Variants in FOXP1 observed in about 807,000 individuals in gnomAD.
FOXP1 encodes the protein forkhead box protein P1.
FOXP1 carries 15 observed loss-of-function variants against 98.2 expected under a neutral mutation model. The observed-to-expected ratio is 0.15, with a 90% CI of 0.10 to 0.24. FOXP1 has a LOEUF of 0.24. Among genes scored for constraint, FOXP1 ranks in the 10% least tolerant of loss-of-function variants. The pLI is 1.00. For missense variants in FOXP1, 633 were observed against 848.5 expected (o/e 0.75, Z 3.15); for synonymous variants, 371 against 314.5 (o/e 1.18, Z -1.90).
chr3:71,246,765 G>A (rs531441118), intron 5 of FOXP1, among the ~76,000 whole-genome samples: 9 of 152,232 alleles, frequency 5.9e-5, no homozygotes, highest in East Asian at 5.8e-4. Flanking sequence ...AGTTCAGCGC[G>A]TCTTAGCACT....
chr3:70,970,912 C>T, intron 18 of FOXP1, 107 bp from the exon 19 acceptor site: 3 of 844,754 alleles, frequency 3.6e-6, no homozygotes, highest in Non-Finnish European at 4.1e-6. Context: ...GAGCAATTTC[C>T]CCCACTAGCA....
At position 71,550,226 on chromosome 3, in the gene FOXP1, C is replaced by T. The variant is rs551796161; in HGVS notation, c.-298+31323G>A. ...AGCTCTCTCATCTCCATGATCCCCA[C>T]CTGCCCCCAAGTAAAACGATTATAA... On this transcript the variant is annotated intron_variant, in intron 2 of 20. Transcript: ENST00000649528. 3.9e-5 allele frequency among the ~76,000 whole-genome samples: 6 copies of T among 152,304 alleles called. 1 individual carries two copies. The highest frequency in any genetic ancestry group is 1.4e-4 in the African/African-American group (6 of 41,570).
chr3:70,997,110 G>A (rs2041480911), intron 13 of FOXP1, among the ~76,000 whole-genome samples: 2 of 152,196 alleles, frequency 1.3e-5, no homozygotes, highest in Non-Finnish European at 2.9e-5. Flanking sequence ...TCAGTAATGT[G>A]CAGGTAATCC....
chr3:71,537,121 A>G (rs2044361687), intron 2 of FOXP1, among the ~76,000 whole-genome samples: 1 of 152,174 alleles, frequency 6.6e-6, no homozygotes, highest in South Asian at 2.1e-4. Context: ...GTCCTAACCA[A>G]GGCCTGGGTA....
At chr3:71,352,802 G>T (rs952203155) in intron 4 of FOXP1, among the ~76,000 whole-genome samples, 1 of 152,126 alleles carries the variant, frequency 6.6e-6, no homozygotes, top group African/African-American at 2.4e-5. Context: ...CATGAGTTTA[G>T]AAAATTCTAC....
At chr3:71,383,207 T>C (rs1323496764) in intron 3 of FOXP1, among the ~76,000 whole-genome samples, 1 of 152,232 alleles carries the variant, frequency 6.6e-6, no homozygotes, top group Non-Finnish European at 1.5e-5. Flanking sequence ...CAGCAAATGC[T>C]TTCCGCTAGC....
chr3:71,485,248 C>T (rs1310792341), intron 3 of FOXP1, among the ~76,000 whole-genome samples: 1 of 152,118 alleles, frequency 6.6e-6, no homozygotes, highest in Non-Finnish European at 1.5e-5. Context: ...CCTCTCATCT[C>T]CCCAATATCC....
At chr3:71,367,609 A>C (rs189875898) in intron 3 of FOXP1, among the ~76,000 whole-genome samples, 1 of 152,114 alleles carries the variant, frequency 6.6e-6, no homozygotes, top group Non-Finnish European at 1.5e-5. Context: ...GTAAAACAAC[A>C]TATCTTTACC....
chr3:71,056,189 AT>A (rs2050613186), intron 7 of FOXP1, among the ~76,000 whole-genome samples: 1 of 152,198 alleles, frequency 6.6e-6, no homozygotes, highest in African/African-American at 2.4e-5. Flanking sequence ...AATAAAACTG[AT>A]TTTAAAAGTT....
At chr3:71,100,808 A>G (rs1449111186) in intron 7 of FOXP1, among the ~76,000 whole-genome samples, 4 of 152,180 alleles carry the variant, frequency 2.6e-5, no homozygotes, top group Non-Finnish European at 4.4e-5. Flanking sequence ...CCCTCTCCCC[A>G]GTCAGAAGGC....
At chr3:71,499,338 A>C (rs2041154905) in intron 2 of FOXP1, among the ~76,000 whole-genome samples, 2 of 152,208 alleles carry the variant, frequency 1.3e-5, no homozygotes, top group Admixed American at 1.3e-4. Context: ...TGCAAAAGTC[A>C]AATTCAATGT....
intron 6 of FOXP1, among the ~76,000 whole-genome samples, chr3:71,179,296 T>C (rs1005766075): frequency 6.6e-6 from 1 of 151,854 alleles, no homozygotes; most frequent in Non-Finnish European, 1.5e-5. Context: ...GCCCAGCTAA[T>C]TTTTTTGTAT....
intron 4 of FOXP1, among the ~76,000 whole-genome samples, chr3:71,302,296 C>A (rs1215414710): frequency 1.3e-5 from 2 of 152,122 alleles, no homozygotes; most frequent in African/African-American, 4.8e-5. Context: ...GGGCCCGAGT[C>A]TGCCTCATTA....
At chr3:71,382,091 G>A (rs916351517) in intron 3 of FOXP1, among the ~76,000 whole-genome samples, 1 of 152,110 alleles carries the variant, frequency 6.6e-6, no homozygotes, top group Non-Finnish European at 1.5e-5. Context: ...GAGCAACATG[G>A]CGAGACCCTG....
At chr3:71,465,246 G>A (rs1250723753) in intron 3 of FOXP1, among the ~76,000 whole-genome samples, 1 of 150,850 alleles carries the variant, frequency 6.6e-6, no homozygotes, top group Admixed American at 6.6e-5. Context: ...GGCAGAGATT[G>A]TGGTGAGCCG....
At chr3:70,966,842 T>C (rs538459960) in intron 19 of FOXP1, among the ~76,000 whole-genome samples, 2 of 152,318 alleles carry the variant, frequency 1.3e-5, no homozygotes, top group South Asian at 4.1e-4. Context: ...TCCTAAACTT[T>C]ATTTAGGATA....
chr3:71,176,743 C>CAAAAAAAAAAAA (rs573639526), intron 6 of FOXP1, among the ~76,000 whole-genome samples: 13 of 75,548 alleles, frequency 1.7e-4, no homozygotes, highest in African/African-American at 8.1e-4. Flanking sequence ...GAGGCTATCT[C>CAAAAAAAAAAAA]AAAAAAAAAA....
intron 5 of FOXP1, among the ~76,000 whole-genome samples, chr3:71,285,493 G>C (rs567594500): frequency 6.6e-6 from 1 of 152,158 alleles, no homozygotes. Flanking sequence ...AGAGAGTAAA[G>C]AGAAGAAGGG....
chr3:71,353,862 C>T (rs1417307415), intron 4 of FOXP1, among the ~76,000 whole-genome samples: 2 of 152,246 alleles, frequency 1.3e-5, no homozygotes, highest in East Asian at 3.9e-4. Context: ...AATAGATCAT[C>T]TTCTTCAAGC....
Sources: allele counts gnomAD v4.1 joint callset (sites outside exome capture counted in the v4.1 genomes callset), GRCh38; gene constraint gnomAD v4.1.1; transcripts MANE v1.5; gene names NCBI Gene and HGNC (gene_info 2026-07-23, HGNC 2026-07-21).